Variants in OSBP2 observed in about 807,000 individuals in gnomAD.
The protein encoded by OSBP2 is oxysterol-binding protein 2.
A neutral mutation model predicts 96.0 loss-of-function variants in OSBP2; 66 were observed. The observed-to-expected ratio is 0.69, with a 90% CI of 0.56 to 0.84. The LOEUF (loss-of-function observed/expected upper bound fraction) is 0.84. Among genes scored for constraint, OSBP2 ranks in the 40% least tolerant of loss-of-function variants. OSBP2 has a pLI of 0.00. For synonymous variants in OSBP2, 525 were observed against 520.9 expected (o/e 1.01, Z -0.11); for missense variants, 1,038 against 1,222.7 (o/e 0.85, Z 2.25).
At chr22:30,804,813 T>G (rs762158745) in intron 2 of OSBP2, among the ~76,000 whole-genome samples, 7 of 152,222 alleles carry the variant, frequency 4.6e-5, no homozygotes, top group Non-Finnish European at 7.3e-5. Flanking sequence ...GAAGGATGGC[T>G]GACTCATGAC....
intron 12 of OSBP2, chr22:30,902,401 G>C: frequency 1.9e-6 from 3 of 1,566,530 alleles, no homozygotes; most frequent in Non-Finnish European, 1.8e-6. Flanking sequence ...CTTGACATAC[G>C]ATGGTGCACT....
At chr22:30,791,452 G>A (rs1024827139) in intron 2 of OSBP2, among the ~76,000 whole-genome samples, 2 of 148,136 alleles carry the variant, frequency 1.4e-5, no homozygotes, top group African/African-American at 2.5e-5. Context: ...TCAGCTTCCC[G>A]AGTAGCTGGG....
intron 1 of OSBP2, among the ~76,000 whole-genome samples, chr22:30,725,520 C>CA (rs1043013354): frequency 1.4e-5 from 2 of 144,934 alleles, no homozygotes; most frequent in South Asian, 4.4e-4. Context: ...CCCCCTCCAC[C>CA]AAAAAACAAA....
chr22:30,711,299 T>C (rs1385475869), intron 1 of OSBP2, among the ~76,000 whole-genome samples: 1 of 151,900 alleles, frequency 6.6e-6, no homozygotes. Flanking sequence ...AATATATATA[T>C]TTATACAATG....
chr22:30,694,788 G>C (rs1373151752), upstream of OSBP2: 4 of 587,354 alleles, frequency 6.8e-6, no homozygotes, highest in Non-Finnish European at 8.5e-6. Flanking sequence ...GCACGGGACC[G>C]CGGAGGAACC....
intron 2 of OSBP2, among the ~76,000 whole-genome samples, chr22:30,856,373 C>CT (rs56875088): frequency 0.034 from 3,421 of 101,142 alleles, 308 homozygotes; most frequent in Non-Finnish European, 0.052. Flanking sequence ...CAGAGCCCTT[C>CT]TTTTTTTTTT....
intron 3 of OSBP2, among the ~76,000 whole-genome samples, chr22:30,886,863 C>T (rs1239525022): frequency 2.0e-5 from 3 of 152,070 alleles, no homozygotes; most frequent in African/African-American, 7.2e-5. Flanking sequence ...GATCCAGACC[C>T]CACGAGAGGG....
chr22:30,707,837 A>C (rs1262760067), intron 1 of OSBP2, among the ~76,000 whole-genome samples: 1 of 152,018 alleles, frequency 6.6e-6, no homozygotes, highest in Non-Finnish European at 1.5e-5. Flanking sequence ...TGCTAGGAGA[A>C]CACAGTGACC....
chr22:30,694,763 T>C (rs1323447523), upstream of OSBP2: 2 of 573,138 alleles, frequency 3.5e-6, no homozygotes, highest in African/African-American at 2.0e-5. Context: ...CGGCGGGCGC[T>C]GACGGGCACG....
chr22:30,766,115 G>T (rs2090266537), intron 2 of OSBP2, among the ~76,000 whole-genome samples: 1 of 152,144 alleles, frequency 6.6e-6, no homozygotes, highest in Admixed American at 6.5e-5. Context: ...CACACCTATA[G>T]TCCTACCTAC....
At chr22:30,706,149 T>C (rs1185903238) in intron 1 of OSBP2, among the ~76,000 whole-genome samples, 2 of 152,296 alleles carry the variant, frequency 1.3e-5, no homozygotes, top group South Asian at 2.1e-4. Context: ...GAAACACCTC[T>C]GAACAAAATT....
Position 30,812,802 on chromosome 22 carries a change from G to A in OSBP2, c.854-57627G>A, listed in dbSNP as rs1393364109. 5.3e-5 allele frequency among the ~76,000 whole-genome samples: 8 copies of A among 150,438 alleles called. No individual in the cohort carries two copies. The East Asian group carries it at 1.6e-3, about 29-fold the overall frequency. ...TCTTTTTACTCCTTGTTACTCTGAT[G>A]GGTGAATGAAAAGGCATTTCCTTGC... On this transcript the variant is annotated intron_variant, in intron 2 of 13. Coordinates refer to ENST00000332585, the MANE Select transcript of OSBP2 (RefSeq NM_030758.4).
chr22:30,902,124 A>T (rs199910969), intron 12 of OSBP2: 2 of 180,574 alleles, frequency 1.1e-5, no homozygotes, highest in Non-Finnish European at 1.8e-5. Flanking sequence ...AAAAAAAAAA[A>T]CGAAAAAAAA....
At chr22:30,896,781 G>A (rs2040077869) in intron 12 of OSBP2, among the ~76,000 whole-genome samples, 1 of 151,904 alleles carries the variant, frequency 6.6e-6, no homozygotes, top group Non-Finnish European at 1.5e-5. Flanking sequence ...GAATAGCTAG[G>A]ACTACAGGCA....
At chr22:30,783,860 A>G (rs1042386608) in intron 2 of OSBP2, among the ~76,000 whole-genome samples, 3 of 152,172 alleles carry the variant, frequency 2.0e-5, no homozygotes, top group Non-Finnish European at 2.9e-5. Flanking sequence ...TCCTAGGGCA[A>G]TGCCTAGTTA....
At chr22:30,873,769 T>C (rs2147116534) in intron 3 of OSBP2, among the ~76,000 whole-genome samples, 1 of 152,308 alleles carries the variant, frequency 6.6e-6, no homozygotes, top group Middle Eastern at 3.4e-3. Context: ...TTGAGCCGGA[T>C]CGTAGAAGTG....
intron 2 of OSBP2, among the ~76,000 whole-genome samples, chr22:30,867,075 G>A (rs1019712522): frequency 2.0e-5 from 3 of 152,194 alleles, no homozygotes; most frequent in Admixed American, 2.0e-4. Flanking sequence ...GTATGCATGG[G>A]AGCCTGCCTA....
intron 1 of OSBP2, among the ~76,000 whole-genome samples, chr22:30,710,501 G>T (rs1210494388): frequency 6.6e-6 from 1 of 152,042 alleles, no homozygotes; most frequent in South Asian, 2.1e-4. Context: ...CTTCAAGTTG[G>T]CCCTAGAGTC....
intron 1 of OSBP2, among the ~76,000 whole-genome samples, chr22:30,730,066 G>A (rs1213351768): frequency 6.6e-6 from 1 of 151,966 alleles, no homozygotes; most frequent in African/African-American, 2.4e-5. Context: ...AGGTTCAAGC[G>A]ATTCTCGTGT....
Sources: allele counts gnomAD v4.1 joint callset (sites outside exome capture counted in the v4.1 genomes callset), GRCh38; gene constraint gnomAD v4.1.1; transcripts MANE v1.5; gene names NCBI Gene and HGNC (gene_info 2026-07-23, HGNC 2026-07-21).